The following DPY19L3 variants were observed in gnomAD, a reference collection of about 807,000 sequenced individuals.
DPY19L3 encodes dpy-19 like C-mannosyltransferase 3.
DPY19L3 carries 51 observed loss-of-function variants against 92.3 expected under a neutral mutation model. The ratio of observed to expected loss-of-function variants is 0.55; its 90% CI spans 0.44 to 0.70. The LOEUF (loss-of-function observed/expected upper bound fraction) is 0.70, where lower values mean the gene tolerates loss of function less well. DPY19L3 is among the 30% of genes least tolerant of loss of function. DPY19L3 has a pLI of 0.00. For missense variants in DPY19L3, 706 were observed against 855.9 expected, an observed-to-expected ratio of 0.82 and a Z score of 2.18; for synonymous variants, 309 against 315.2, an observed-to-expected ratio of 0.98 and a Z score of 0.21.
At chr19:32,438,493 CATAT>C (rs1316350721) in intron 6 of DPY19L3, among the ~76,000 whole-genome samples, 1 of 151,922 alleles carries the variant, frequency 6.6e-6, no homozygotes, top group African/African-American at 2.4e-5. Flanking sequence ...TACATTGTTT[CATAT>C]ATATCTCTAT....
intron 3 of DPY19L3, 102 bp from the exon 4 acceptor site, chr19:32,432,614 T>G: frequency 1.1e-6 from 1 of 949,302 alleles, no homozygotes; most frequent in Non-Finnish European, 1.6e-6. Context: ...TTTTCAGAGT[T>G]TTTTCTCTTT....
At chr19:32,453,481 A>G (rs994078063) in intron 9 of DPY19L3, among the ~76,000 whole-genome samples, 2 of 152,154 alleles carry the variant, frequency 1.3e-5, no homozygotes, top group African/African-American at 4.8e-5. Flanking sequence ...TTTGACAGTT[A>G]TTTCTTAGAG....
intron 8 of DPY19L3, among the ~76,000 whole-genome samples, chr19:32,451,873 T>G (rs1470785532): frequency 6.6e-6 from 1 of 152,170 alleles, no homozygotes; most frequent in Non-Finnish European, 1.5e-5. Context: ...CTTGCTCTGT[T>G]GCCCAGGCTG....
intron 8 of DPY19L3, among the ~76,000 whole-genome samples, chr19:32,443,221 A>G (rs970265151): frequency 1.3e-5 from 2 of 152,158 alleles, no homozygotes; most frequent in Non-Finnish European, 2.9e-5. Flanking sequence ...CCCAGCAATA[A>G]GGAAGTACAC....
At position 32,432,413 on chromosome 19, in the gene DPY19L3, T is replaced by C. The variant is rs77936554; in HGVS notation, c.238-303T>C. 5.8e-3 allele frequency among the ~76,000 whole-genome samples: 884 copies of C among 152,286 alleles called. 18 individuals are homozygous for C. In the East Asian group the frequency reaches 0.071, roughly 12 times the overall value. On this transcript the variant is annotated intron_variant, in intron 3 of 18. Transcript: ENST00000392250. Reference sequence around the variant, plus strand: ...AATGCAATTATATTTCTTTTCATTTTTTTTTGTGCCATCCCTGTTTTGTGT... The same window carrying C: ...AATGCAATTATATTTCTTTTCATTTCTTTTTGTGCCATCCCTGTTTTGTGT...
chr19:32,452,159 C>A (rs181510048), intron 8 of DPY19L3, among the ~76,000 whole-genome samples: 1 of 152,246 alleles, frequency 6.6e-6, no homozygotes, highest in East Asian at 1.9e-4. Flanking sequence ...ATGTCTGGTT[C>A]TTCTGTGAGA....
intron 15 of DPY19L3, chr19:32,467,940 A>T: frequency 1.0e-6 from 1 of 985,446 alleles, no homozygotes; most frequent in Non-Finnish European, 1.2e-6. Flanking sequence ...CAAGTGGTAT[A>T]AATACAGCCA....
At chr19:32,443,647 C>T (rs973228556) in intron 8 of DPY19L3, among the ~76,000 whole-genome samples, 11 of 152,110 alleles carry the variant, frequency 7.2e-5, no homozygotes, top group African/African-American at 1.2e-4. Context: ...ACCCAGATTA[C>T]GGTATTTTGT....
intron 6 of DPY19L3, among the ~76,000 whole-genome samples, chr19:32,438,755 T>C (rs1418743063): frequency 6.6e-6 from 1 of 151,932 alleles, no homozygotes; most frequent in African/African-American, 2.4e-5. Context: ...ACCAAAGAAA[T>C]ACAGAGAGAG....
chr19:32,479,445 G>A (rs534175751), intron 17 of DPY19L3, among the ~76,000 whole-genome samples: 8 of 151,210 alleles, frequency 5.3e-5, no homozygotes, highest in South Asian at 2.1e-4. Context: ...AAGGCCCTAC[G>A]GCTCTTCATC....
intron 16 of DPY19L3, among the ~76,000 whole-genome samples, chr19:32,474,366 A>G (rs1405434856): frequency 6.6e-6 from 1 of 152,166 alleles, no homozygotes; most frequent in Non-Finnish European, 1.5e-5. Flanking sequence ...TCTGCTGGTG[A>G]TGGCCCTGCT....
intron 3 of DPY19L3, chr19:32,411,606 C>T: frequency 2.3e-6 from 1 of 439,738 alleles, no homozygotes; most frequent in Non-Finnish European, 3.9e-6. Context: ...CTCACTCTGT[C>T]ACCCAGGCTG....
intron 6 of DPY19L3, among the ~76,000 whole-genome samples, chr19:32,438,366 G>A (rs545973527): frequency 1.6e-4 from 24 of 152,004 alleles, no homozygotes; most frequent in Non-Finnish European, 2.1e-4. Context: ...CCCCATTTTA[G>A]AAATGATAAA....
At chr19:32,407,946 A>G (rs1307124020) in intron 1 of DPY19L3, among the ~76,000 whole-genome samples, 6 of 151,988 alleles carry the variant, frequency 3.9e-5, no homozygotes, top group Non-Finnish European at 8.8e-5. Flanking sequence ...ATAATTAGCC[A>G]GGTGTAGTAG....
At chr19:32,434,700 G>A (rs1393973722) in intron 4 of DPY19L3, among the ~76,000 whole-genome samples, 2 of 152,164 alleles carry the variant, frequency 1.3e-5, no homozygotes, top group Admixed American at 6.5e-5. Context: ...ATTAAAACAC[G>A]ACAGACTCTT....
At chr19:32,453,062 G>A (rs758204710) in intron 8 of DPY19L3, 83 bp from the exon 9 acceptor site, 8 of 1,486,958 alleles carry the variant, frequency 5.4e-6, no homozygotes, top group East Asian at 2.3e-5. Context: ...AAGCTGAGGT[G>A]TATCCACCTC....
intron 3 of DPY19L3, among the ~76,000 whole-genome samples, chr19:32,413,584 A>G (rs893789651): frequency 2.7e-5 from 4 of 150,354 alleles, no homozygotes; most frequent in African/African-American, 7.3e-5. Flanking sequence ...ATATCTCCCT[A>G]TGCTATCCCT....
intron 9 of DPY19L3, among the ~76,000 whole-genome samples, chr19:32,454,720 C>G (rs1969812080): frequency 6.6e-6 from 1 of 152,154 alleles, no homozygotes; most frequent in Non-Finnish European, 1.5e-5. Context: ...ATTTCCTCAT[C>G]GTATGAAGCT....
At chr19:32,446,246 G>GA (rs1482852061) in intron 8 of DPY19L3, among the ~76,000 whole-genome samples, 1 of 151,930 alleles carries the variant, frequency 6.6e-6, no homozygotes, top group East Asian at 1.9e-4. Flanking sequence ...AGCAGTACAT[G>GA]AAAAAACAGT....
Sources: allele counts gnomAD v4.1 joint callset (sites outside exome capture counted in the v4.1 genomes callset), GRCh38; gene constraint gnomAD v4.1.1; transcripts MANE v1.5; gene names NCBI Gene and HGNC (gene_info 2026-07-23, HGNC 2026-07-21).